EMC3: variants seen among roughly 807,000 people sequenced by gnomAD.
The protein encoded by EMC3 is 30 kDa protein.
In EMC3, 13 loss-of-function variants were observed where a neutral mutation model predicts 36.6. That is an observed-to-expected ratio of 0.35 (90% CI 0.23 to 0.56). The LOEUF (loss-of-function observed/expected upper bound fraction) is 0.56. Ranked by LOEUF, EMC3 falls within the 20% of genes least tolerant of loss-of-function variation. The pLI is 0.84. For missense variants in EMC3, 220 were observed against 324.5 expected (o/e 0.68, Z 2.47); for synonymous variants, 120 against 111.9 (o/e 1.07, Z -0.46).
chr3:10,001,114 T>C (rs1182243705), intron 1 of EMC3, among the ~76,000 whole-genome samples: 1 of 152,154 alleles, frequency 6.6e-6, no homozygotes, highest in Non-Finnish European at 1.5e-5. Flanking sequence ...TTCTTAAATT[T>C]AGGTCTTTGA....
intron 1 of EMC3, among the ~76,000 whole-genome samples, chr3:9,998,809 T>C (rs1349152078): frequency 3.3e-5 from 5 of 152,144 alleles, no homozygotes; most frequent in Non-Finnish European, 7.3e-5. Flanking sequence ...CAAGTTGGAG[T>C]GCAGTGGTAT....
chr3:9,963,942 C>A lies in EMC3; in HGVS notation c.*127G>T, dbSNP rs2085712842. The A allele has an allele frequency of 1.3e-6, 2 of 1,492,574 alleles. No homozygotes were observed. Among genetic ancestry groups the A allele is most frequent in the African/African-American group, 1.4e-5 (1 of 71,482 alleles). The allele number at this position is 1,492,574 out of a possible 1,614,324, so 92.5% of individuals were successfully genotyped here. ...AAGGGGAACCCAGCCCAGACAAGAA[C>A]AAGCCTTGCTGCATGCCTGCCAGCT... is the stretch of plus-strand genomic sequence containing the variant. On this transcript the variant is annotated 3_prime_UTR_variant, in exon 8 of 8. Transcript: ENST00000245046.
upstream of EMC3, chr3:9,988,644 T>C (rs2086007994): frequency 1.0e-6 from 1 of 973,722 alleles, no homozygotes; most frequent in African/African-American, 1.7e-5. Flanking sequence ...TAACAGGGCA[T>C]GCTGAATAAG....
chr3:9,984,610 C>T (rs2124918197), intron 1 of EMC3, among the ~76,000 whole-genome samples: 1 of 152,216 alleles, frequency 6.6e-6, no homozygotes, highest in East Asian at 1.9e-4. Flanking sequence ...CCAGGATGGT[C>T]TCGATCTCCT....
chr3:9,975,877 G>A (rs893952212), intron 3 of EMC3, among the ~76,000 whole-genome samples: 2 of 150,962 alleles, frequency 1.3e-5, no homozygotes, highest in African/African-American at 2.4e-5. Flanking sequence ...TTATTAGTGA[G>A]GTCAAGTAAC....
intron 7 of EMC3, among the ~76,000 whole-genome samples, chr3:9,966,367 C>T (rs1011578229): frequency 8.6e-5 from 13 of 151,218 alleles, no homozygotes; most frequent in African/African-American, 2.9e-4. Context: ...GGACTACAGG[C>T]GCCCGCCACC....
At position 9,977,095 on chromosome 3, in the gene EMC3, A is replaced by G. The variant is rs570482943; in HGVS notation, c.214-45T>C. The G allele has an allele frequency of 9.1e-6, 13 of 1,423,884 alleles. No individual in the cohort carries two copies. In the African/African-American group the frequency reaches 1.6e-4, roughly 17 times the overall value. The allele number at this position is 1,423,884 out of a possible 1,614,324, so 88.2% of individuals were successfully genotyped here. ...GTGTTTTAAGTCTAAGAACTATGAC[A>G]CAGCAAACTGTTAAATTACTCCCCA... On this transcript the variant is annotated intron_variant, in intron 2 of 7. Coordinates refer to ENST00000245046, the MANE Select transcript of EMC3 (RefSeq NM_001394674.1).
intron 1 of EMC3, chr3:10,007,756 C>T (rs1337065894): frequency 4.3e-6 from 4 of 921,052 alleles, no homozygotes; most frequent in African/African-American, 3.5e-5. Context: ...CAAGGAGCTT[C>T]CTTGTGGGTT....
chr3:9,989,372 G>A (rs933996639), upstream of EMC3, among the ~76,000 whole-genome samples: 16 of 152,052 alleles, frequency 1.1e-4, no homozygotes, highest in African/African-American at 3.4e-4. Flanking sequence ...CCAATGTAGC[G>A]AAACCCCGTC....
rs1353718593 is a variant in EMC3 at position 9,964,105 on chromosome 3, G to A, written c.750C>T (p.Gly250=). 1 of 1,613,994 alleles carries A rather than the reference G, an allele frequency of 6.2e-7. No homozygotes were observed. The highest frequency in any genetic ancestry group is 8.5e-7 in the Non-Finnish European group (1 of 1,180,022). ...ELMAKDLHFE[G]MFKKELQTSI... is the part of the protein sequence containing the mutation. ...AGGTCTGTAATTCCTTTTTGAACAT[G>A]CCTTCGAAGTGGAGGTCTTTGGCCA... The change falls in exon 8 of 8, where the codon GGC becomes GGT. Residue 250 remains glycine, a synonymous_variant. Transcript: ENST00000245046.
At chr3:9,982,465 G>C (rs980295839) in intron 1 of EMC3, among the ~76,000 whole-genome samples, 1 of 151,992 alleles carries the variant, frequency 6.6e-6, no homozygotes, top group African/African-American at 2.4e-5. Flanking sequence ...TTGTTAGCCA[G>C]GATGGTCTCA....
chr3:9,986,948 G>A (rs916004246), upstream of EMC3: 68 of 1,194,994 alleles, frequency 5.7e-5, no homozygotes, highest in Non-Finnish European at 6.5e-5. Flanking sequence ...AGGCTCGGTG[G>A]CTCACTCCTG....
chr3:9,991,696 G>A (rs970971360), upstream of EMC3, among the ~76,000 whole-genome samples: 2 of 152,096 alleles, frequency 1.3e-5, no homozygotes, highest in East Asian at 1.9e-4. Context: ...TCCTTTTGCA[G>A]GCTGCTGTTT....
chr3:9,999,555 T>C (rs1295357454), intron 1 of EMC3, among the ~76,000 whole-genome samples: 1 of 152,168 alleles, frequency 6.6e-6, no homozygotes, highest in Admixed American at 6.5e-5. Flanking sequence ...TTTATGTTAT[T>C]TTATTATTTT....
At chr3:9,967,559 C>T (rs2085746193) in intron 7 of EMC3, among the ~76,000 whole-genome samples, 3 of 152,260 alleles carry the variant, frequency 2.0e-5, no homozygotes, top group Non-Finnish European at 4.4e-5. Flanking sequence ...CATTTTATTC[C>T]ATTGACCTAT....
rs142462270 is a variant in EMC3 at position 9,979,701 on chromosome 3, A to G, written c.156-2255T>C. Among the ~76,000 whole-genome samples, 735 of 152,338 alleles carry G rather than the reference A, an allele frequency of 4.8e-3. 9 individuals are homozygous for G. The highest frequency in any genetic ancestry group is 0.016 in the African/African-American group (677 of 41,584). ...GGAATAAATGTGAAATTCAATTATCATGTCCTAGAGAGAGATGGATGGTAT... is the reference window on the plus strand; with the variant it reads ...GGAATAAATGTGAAATTCAATTATCGTGTCCTAGAGAGAGATGGATGGTAT... On this transcript the variant is annotated intron_variant, in intron 1 of 7. Transcript: ENST00000245046.
Position 9,964,064 on chromosome 3 carries a change from G to A in EMC3, c.*5C>T, listed in dbSNP as rs938125289. ...TTCCTGACACAGCTAATCCCTGCTC[G>A]GTCTTCAAAAAATAGAGGTCTGTAA... is the stretch of plus-strand genomic sequence containing the variant. On this transcript the variant is annotated 3_prime_UTR_variant, in exon 8 of 8. Transcript: ENST00000245046. 33 of 1,613,748 alleles carry A rather than the reference G, an allele frequency of 2.0e-5. No individual in the cohort carries two copies. The East Asian group carries it at 2.7e-4, about 13-fold the overall frequency.
intron 7 of EMC3, among the ~76,000 whole-genome samples, chr3:9,965,245 C>T (rs1251349515): frequency 6.6e-6 from 1 of 151,690 alleles, no homozygotes; most frequent in East Asian, 1.9e-4. Flanking sequence ...CATCTCTATA[C>T]AAATTTAAAA....
At chr3:9,991,050 G>A (rs371395191), upstream of EMC3, among the ~76,000 whole-genome samples, 51 of 151,272 alleles carry the variant, frequency 3.4e-4, no homozygotes, top group Admixed American at 2.2e-3. Context: ...GGATGGTCTC[G>A]ATCTCCTGAC....
Sources: gnomAD v4.1 joint callset for allele counts (sites outside exome capture counted in the v4.1 genomes callset) on GRCh38, gnomAD v4.1.1 for gene constraint, MANE v1.5 for transcripts, NCBI Gene and HGNC (gene_info 2026-07-23, HGNC 2026-07-21) for gene names.